The following PRDM1 variants were observed in gnomAD, a reference collection of about 807,000 sequenced individuals.
The protein encoded by PRDM1 is PR domain zinc finger protein 1.
Under a neutral mutation model 62.8 loss-of-function variants are expected in PRDM1, and 13 were observed. That is an observed-to-expected ratio of 0.21 (90% confidence interval 0.13 to 0.33). PRDM1 has a LOEUF of 0.33. Among genes scored for constraint, PRDM1 ranks in the 10% least tolerant of loss-of-function variants. The probability of loss-of-function intolerance (pLI) is 1.00; values close to 1 mark genes in which losing one functional copy is unlikely to be tolerated. For missense variants in PRDM1, 895 were observed against 1,058.8 expected (o/e 0.85, Z 2.15); for synonymous variants, 396 against 417.6 (o/e 0.95, Z 0.63).
At position 106,086,579 on chromosome 6, in the gene PRDM1, G is replaced by A; in HGVS notation, c.26G>A (p.Arg9His). 6.4e-7 allele frequency: 1 copy of A among 1,551,958 alleles called. No individual in the cohort carries two copies. Among genetic ancestry groups the A allele is most frequent in the Non-Finnish European group, 8.7e-7 (1 of 1,146,742 alleles). The change falls in exon 1 of 7, where the codon CGT (arginine) becomes CAT (histidine). Residue 9 changes from arginine (R) to histidine (H), a missense_variant. By Grantham distance (29) the Arg-to-His change is conservative (BLOSUM62 0). Coordinates refer to ENST00000369096, the MANE Select transcript of PRDM1 (RefSeq NM_001198.4). Reference protein sequence around the residue: MLDICLEKRVGTTLAAPKC... With the variant: MLDICLEKHVGTTLAAPKC... Reference sequence around the variant, plus strand: ...ATGTTGGATATTTGCTTGGAAAAACGTGTGGGTACGACCTTGGTAAGGAAC... The same window carrying A: ...ATGTTGGATATTTGCTTGGAAAAACATGTGGGTACGACCTTGGTAAGGAAC...
intron 1 of PRDM1, among the ~76,000 whole-genome samples, chr6:106,051,523 C>T (rs1197813930): frequency 6.6e-6 from 1 of 152,200 alleles, no homozygotes; most frequent in African/African-American, 2.4e-5. Flanking sequence ...TTTAAGATCA[C>T]AGGGTAGCTG....
rs75478477 is a variant in PRDM1 at position 106,076,199 on chromosome 6, C to T, written c.-66-12002C>T. On this transcript the variant is annotated intron_variant, in intron 1 of 6. Coordinates refer to the PRDM1 transcript ENST00000651185. ...CTCCTGGACTCAAGGGATCCTCCCA[C>T]CTTTGCCTCCCAAAGTGCGACATCC... Among the ~76,000 whole-genome samples, 857 of 152,256 alleles carry T rather than the reference C, an allele frequency of 5.6e-3. 17 individuals are homozygous for T. Among genetic ancestry groups the T allele is most frequent in the East Asian group, 0.046 (237 of 5,186 alleles).
At chr6:106,099,154 T>C (rs1391905377) in intron 3 of PRDM1, 146 bp from the exon 4 acceptor site, 1 of 1,606,190 alleles carries the variant, frequency 6.2e-7, no homozygotes, top group African/African-American at 1.3e-5. Flanking sequence ...TTCAAGACTA[T>C]TCTGGCTAAA....
intron 1 of PRDM1, among the ~76,000 whole-genome samples, chr6:106,023,879 T>C (rs1772730989): frequency 6.6e-6 from 1 of 152,178 alleles, no homozygotes. Context: ...CGGTGGCTCA[T>C]GCCTATAATC....
rs1774184057 is a variant in PRDM1, at chr6:106,098,826, C to CG, written c.412-472dup. 2.6e-6 allele frequency: 4 copies of CG among 1,524,474 alleles called. No homozygotes were observed. The South Asian group carries it at 4.8e-5, about 18-fold the overall frequency. 94.4% of individuals were successfully genotyped at this position (1,524,474 alleles called of 1,614,324 possible). A position where few individuals can be genotyped will look rare whatever the true frequency, so the allele number is the denominator to read the frequency against. On this transcript the variant is annotated intron_variant, in intron 3 of 6. Coordinates refer to ENST00000369096, the MANE Select transcript of PRDM1 (RefSeq NM_001198.4). The stretch of plus-strand genomic sequence containing the variant: ...AAGCCTTGGGCGGGGGTGTAGGAAA[C>CG]GGCGAGTACAGAGGCCATAGAAAAA...
intron 1 of PRDM1, among the ~76,000 whole-genome samples, chr6:106,055,857 C>T (rs1025284527): frequency 3.3e-5 from 5 of 152,284 alleles, no homozygotes; most frequent in African/African-American, 9.6e-5. Context: ...TGCTTGCAAA[C>T]GTGCCTGTTG....
In PRDM1 at chr6:106,106,269, C is replaced by A. The variant is rs979560404; in HGVS notation, c.1774-102C>A. 1 of 1,484,230 alleles carries A rather than the reference C, an allele frequency of 6.7e-7. No individual in the cohort carries two copies. The highest frequency in any genetic ancestry group is 9.1e-7 in the Non-Finnish European group (1 of 1,094,320). The allele number at this position is 1,484,230 out of a possible 1,614,324, so 91.9% of individuals were successfully genotyped here. ...TCTTCTTTTTAAGACTGTCTTGATGCTTTTCTTAAGATATTTGCATCAACA... is the reference window on the plus strand; with the variant it reads ...TCTTCTTTTTAAGACTGTCTTGATGATTTTCTTAAGATATTTGCATCAACA... On this transcript the variant is annotated intron_variant, in intron 5 of 6. Coordinates refer to ENST00000369096, the MANE Select transcript of PRDM1 (RefSeq NM_001198.4). The surrounding 1 kb of genome is among the most constrained non-coding windows in gnomAD (Gnocchi z 4.4).
chr6:106,092,277 CTG>C (rs1415811946), intron 2 of PRDM1, among the ~76,000 whole-genome samples: 1 of 152,110 alleles, frequency 6.6e-6, no homozygotes, highest in African/African-American at 2.4e-5. Context: ...GCTGTGGAAA[CTG>C]TGGACGGCGG....
intron 2 of PRDM1, among the ~76,000 whole-genome samples, chr6:106,092,882 T>G (rs1234730952): frequency 6.6e-6 from 1 of 152,220 alleles, no homozygotes. Flanking sequence ...GCCTTCCAGT[T>G]TTGAAATTTT....
intron 1 of PRDM1, among the ~76,000 whole-genome samples, chr6:106,016,385 A>G (rs1157492967): frequency 2.6e-5 from 4 of 152,118 alleles, no homozygotes; most frequent in Admixed American, 1.3e-4. Context: ...ATTTACATTT[A>G]TCTTTCCTTC....
Position 106,018,471 on chromosome 6 carries a change from C to G in PRDM1, c.-67+24832C>G, listed in dbSNP as rs141572922. On this transcript the variant is annotated intron_variant, in intron 1 of 6. Coordinates refer to the PRDM1 transcript ENST00000652320. ...TCATTCAGATTTCCTTAGCTTTTAC[C>G]TAGTGTCCTTTTTCTATTCCAGGAT... 3.8e-4 allele frequency among the ~76,000 whole-genome samples: 58 copies of G among 152,220 alleles called. 1 individual carries two copies. The East Asian group carries it at 0.01, about 27-fold the overall frequency.
intron 1 of PRDM1, among the ~76,000 whole-genome samples, chr6:106,077,619 G>A (rs1773624250): frequency 6.6e-6 from 1 of 152,202 alleles, no homozygotes; most frequent in Admixed American, 6.5e-5. Context: ...ATGTTTCCAC[G>A]AATGTCTGAA....
chr6:106,038,012 G>GTTTTTTTTTTTTTTTTTTTT (rs1302119750), intron 1 of PRDM1, among the ~76,000 whole-genome samples: 2 of 20,516 alleles, frequency 9.7e-5, no homozygotes, highest in African/African-American at 2.2e-4. Flanking sequence ...TGCTATTTTT[G>GTTTTTTTTTTTTTTTTTTTT]TCTTTTTTTT....
intron 1 of PRDM1, among the ~76,000 whole-genome samples, chr6:106,018,771 C>T (rs985137676): frequency 7.2e-5 from 11 of 152,000 alleles, no homozygotes; most frequent in Non-Finnish European, 1.2e-4. Context: ...TTATCACTGT[C>T]GACGTTAACC....
chr6:106,005,720 C>T (rs528751684), intron 1 of PRDM1, among the ~76,000 whole-genome samples: 1 of 152,134 alleles, frequency 6.6e-6, no homozygotes, highest in Non-Finnish European at 1.5e-5. Flanking sequence ...TGTTTTTTGA[C>T]AAGGGATGGC....
intron 1 of PRDM1, among the ~76,000 whole-genome samples, chr6:106,008,110 C>A (rs1017230124): frequency 1.5e-4 from 23 of 152,200 alleles, no homozygotes; most frequent in Non-Finnish European, 3.2e-4. Flanking sequence ...CGGTGGCTCA[C>A]GCCTGTAATC....
At chr6:106,022,497 C>T (rs1228889284) in intron 1 of PRDM1, among the ~76,000 whole-genome samples, 1 of 150,002 alleles carries the variant, frequency 6.7e-6, no homozygotes. Context: ...GGCTTGATCT[C>T]GGCTCACTGC....
chr6:106,086,424 TG>T lies in PRDM1; in HGVS notation c.-127del. Reference sequence around the variant, plus strand: ...ACCGCGGCACCTGTCCGCCCGGAGCTGGGACGCGGGCGCCCGGGCGGCCGGA... The same window carrying T: ...ACCGCGGCACCTGTCCGCCCGGAGCTGGACGCGGGCGCCCGGGCGGCCGGA... On this transcript the variant is annotated 5_prime_UTR_variant, in exon 1 of 7. Transcript: ENST00000369096. The T allele has an allele frequency of 1.3e-6, 1 of 783,162 alleles. No homozygotes were observed. The highest frequency in any genetic ancestry group is 2.1e-6 in the Non-Finnish European group (1 of 483,300). The allele number at this position is 783,162 out of a possible 1,614,324, so 48.5% of individuals were successfully genotyped here. A position where few individuals can be genotyped will look rare whatever the true frequency, so the allele number is the denominator to read the frequency against.
intron 1 of PRDM1, among the ~76,000 whole-genome samples, chr6:106,064,084 A>T (rs950019021): frequency 2.0e-5 from 3 of 152,258 alleles, no homozygotes; most frequent in African/African-American, 7.2e-5. Flanking sequence ...TCACTGTCCC[A>T]TCTAAAAATA....
Sources: gnomAD v4.1 joint callset for allele counts (sites outside exome capture counted in the v4.1 genomes callset) on GRCh38, gnomAD v4.1.1 for gene constraint, Gnocchi (gnomAD v3.1) non-coding constraint, MANE v1.5 for transcripts, NCBI Gene and HGNC (gene_info 2026-07-23, HGNC 2026-07-21) for gene names.